Variants in ARNT2 observed in about 807,000 individuals in gnomAD.
ARNT2 encodes ARNT protein 2.
A neutral mutation model predicts 91.7 loss-of-function variants in ARNT2; 36 were observed. The observed-to-expected ratio is 0.39, with a 90% CI of 0.30 to 0.52. The LOEUF (loss-of-function observed/expected upper bound fraction) is 0.52. Ranked by LOEUF, ARNT2 falls within the 20% of genes least tolerant of loss-of-function variation. The pLI is 0.72. For synonymous variants in ARNT2, 365 were observed against 347.1 expected (o/e 1.05, Z -0.57); for missense variants, 775 against 939.3 (o/e 0.83, Z 2.29).
intron 17 of ARNT2, among the ~76,000 whole-genome samples, chr15:80,586,072 T>G (rs1898891443): frequency 6.6e-6 from 1 of 152,122 alleles, no homozygotes; most frequent in African/African-American, 2.4e-5. Context: ...AATTGCTCAG[T>G]TTCTTTTCAT....
intron 5 of ARNT2, among the ~76,000 whole-genome samples, chr15:80,500,835 G>A (rs1329900791): frequency 6.6e-6 from 1 of 152,204 alleles, no homozygotes; most frequent in Non-Finnish European, 1.5e-5. Context: ...ATGAGTGGGT[G>A]TGGCTGTTTT....
intron 8 of ARNT2, among the ~76,000 whole-genome samples, chr15:80,535,287 G>A (rs546747718): frequency 2.7e-4 from 41 of 152,248 alleles, no homozygotes; most frequent in African/African-American, 6.7e-4. Flanking sequence ...TTTTGCAATC[G>A]TTATGTCAGT....
At chr15:80,433,899 T>G (rs1896049940) in intron 1 of ARNT2, 1 of 152,136 alleles carries the variant, frequency 6.6e-6, no homozygotes, top group Admixed American at 6.5e-5. Context: ...ATCGGCTGAG[T>G]GGGGAAACTC....
intron 17 of ARNT2, among the ~76,000 whole-genome samples, chr15:80,587,882 A>T (rs1893205117): frequency 6.6e-6 from 1 of 152,242 alleles, no homozygotes; most frequent in Non-Finnish European, 1.5e-5. Flanking sequence ...GGAATTAGAC[A>T]CGAAGTGGGA....
intron 8 of ARNT2, among the ~76,000 whole-genome samples, chr15:80,538,818 A>G (rs900531167): frequency 6.6e-6 from 1 of 152,138 alleles, no homozygotes; most frequent in African/African-American, 2.4e-5. Flanking sequence ...GACTGGTAAA[A>G]GAGAAAATCC....
rs1896687621 is a variant in ARNT2 at position 80,468,366 on chromosome 15, A to G, written c.195-1852A>G. 2.0e-5 allele frequency among the ~76,000 whole-genome samples: 3 copies of G among 150,894 alleles called. No individual in the cohort carries two copies. The Admixed American group carries it at 2.0e-4, about 10-fold the overall frequency. On this transcript the variant is annotated intron_variant, in intron 3 of 18. Transcript: ENST00000303329. ...GCATCACGGCTCTTATCAGCCTGCC[A>G]TGCACGACAGCTTTCCCTTTACTGT...
chr15:80,531,523 C>G (rs1460189710), intron 8 of ARNT2, among the ~76,000 whole-genome samples: 1 of 152,206 alleles, frequency 6.6e-6, no homozygotes, highest in Non-Finnish European at 1.5e-5. Flanking sequence ...GTTGCAATTC[C>G]TGCCAGGAAG....
chr15:80,561,257 T>G (rs746781557), intron 11 of ARNT2, among the ~76,000 whole-genome samples: 6 of 152,074 alleles, frequency 3.9e-5, no homozygotes, highest in Non-Finnish European at 5.9e-5. Context: ...ATGGTCACAT[T>G]GTGATCTCTC....
At chr15:80,447,327 T>C (rs1896320443) in intron 1 of ARNT2, among the ~76,000 whole-genome samples, 1 of 152,212 alleles carries the variant, frequency 6.6e-6, no homozygotes, top group African/African-American at 2.4e-5. Context: ...GCTCTACTCA[T>C]GAATACCCAC....
intron 6 of ARNT2, 25 bp downstream of exon 6, chr15:80,508,283 C>A: frequency 6.2e-7 from 1 of 1,611,646 alleles, no homozygotes; most frequent in Non-Finnish European, 8.5e-7. Flanking sequence ...AGCAGCAGGC[C>A]ATCAGGTGGT....
intron 6 of ARNT2, among the ~76,000 whole-genome samples, chr15:80,511,342 A>G (rs1438916323): frequency 2.0e-5 from 3 of 152,174 alleles, no homozygotes; most frequent in East Asian, 1.9e-4. Context: ...TCAGGGACAC[A>G]TGGAGCAGAA....
At chr15:80,577,419 A>G (rs1898696679) in intron 15 of ARNT2, among the ~76,000 whole-genome samples, 2 of 152,196 alleles carry the variant, frequency 1.3e-5, no homozygotes, top group Non-Finnish European at 2.9e-5. Flanking sequence ...AGGGTGTCCA[A>G]CCTTCCCAAG....
At chr15:80,432,276 T>C (rs535212112) in intron 1 of ARNT2, among the ~76,000 whole-genome samples, 1 of 152,284 alleles carries the variant, frequency 6.6e-6, no homozygotes, top group African/African-American at 2.4e-5. Context: ...GGTAGAAGAT[T>C]TCTCGCCTCT....
chr15:80,520,219 T>C (rs1326704078), intron 8 of ARNT2, among the ~76,000 whole-genome samples: 1 of 152,078 alleles, frequency 6.6e-6, no homozygotes, highest in African/African-American at 2.4e-5. Context: ...ATACAGTACC[T>C]TAGATAGTTC....
chr15:80,468,079 T>C (rs1896682735), intron 3 of ARNT2, among the ~76,000 whole-genome samples: 1 of 152,104 alleles, frequency 6.6e-6, no homozygotes, highest in Admixed American at 6.5e-5. Context: ...CCCTGCCTGA[T>C]TACGCAGCAG....
chr15:80,444,075 G>C (rs904523148), intron 1 of ARNT2, among the ~76,000 whole-genome samples: 1 of 152,204 alleles, frequency 6.6e-6, no homozygotes, highest in African/African-American at 2.4e-5. Context: ...CAGCTGCATG[G>C]GGAAATCGAG....
chr15:80,552,685 C>G lies in ARNT2; in HGVS notation c.1000C>G (p.Pro334Ala), dbSNP rs145079722. 2.5e-6 allele frequency: 4 copies of G among 1,614,110 alleles called. No individual in the cohort carries two copies. Among genetic ancestry groups the G allele is most frequent in the Non-Finnish European group, 3.4e-6 (4 of 1,179,980 alleles). ...VCMDMNGMSVPTEFLSRHNSD... is the reference protein window; with the variant it reads ...VCMDMNGMSVATEFLSRHNSD... ...CATGGACATGAATGGGATGTCGGTG[C>G]CCACAGAGTTCTTATCCCGGCATAA... The change falls in exon 10 of 19, where the codon CCC becomes GCC. Residue 334 changes from proline to alanine, a missense_variant. Physicochemically the swap from Pro to Ala is conservative, Grantham distance 27. This residue lies in a region of ARNT2 where 285 missense variants were observed against 327.2 expected (regional missense o/e 0.87). Coordinates refer to ENST00000303329, the MANE Select transcript of ARNT2 (RefSeq NM_014862.4).
At chr15:80,405,606 A>G (rs1475678158) in intron 1 of ARNT2, among the ~76,000 whole-genome samples, 1 of 152,224 alleles carries the variant, frequency 6.6e-6, no homozygotes, top group Non-Finnish European at 1.5e-5. Context: ...GAGATTGGAC[A>G]TTTCGGCTGA....
At chr15:80,514,901 CA>C (rs1488965947) in intron 8 of ARNT2, among the ~76,000 whole-genome samples, 2 of 151,930 alleles carry the variant, frequency 1.3e-5, no homozygotes, top group Non-Finnish European at 2.9e-5. Flanking sequence ...AACAAACAAA[CA>C]AACAAAAAAC....
Sources: allele counts gnomAD v4.1 joint callset (sites outside exome capture counted in the v4.1 genomes callset), GRCh38; gene constraint gnomAD v4.1.1; regional missense constraint gnomAD v4.1.1; transcripts MANE v1.5; gene names NCBI Gene and HGNC (gene_info 2026-07-23, HGNC 2026-07-21).